Variants in TENM2 observed in about 807,000 individuals in gnomAD.
TENM2 encodes the protein teneurin transmembrane protein 2.
A neutral mutation model predicts 245.2 loss-of-function variants in TENM2; 52 were observed. That is an observed-to-expected ratio of 0.21 (90% CI 0.17 to 0.27). The LOEUF (loss-of-function observed/expected upper bound fraction) is 0.27. TENM2 is among the 10% of genes least tolerant of loss of function. The pLI is 1.00. For synonymous variants in TENM2, 1,363 were observed against 1,438.9 expected (o/e 0.95, Z 1.19); for missense variants, 3,046 against 3,666.8 (o/e 0.83, Z 4.37).
At chr5:168,165,637 TCCCCCCCCCAACCCCCCC>T (rs869055314) in intron 13 of TENM2, among the ~76,000 whole-genome samples, 1,734 of 22,624 alleles carry the variant, frequency 0.077, 311 homozygotes, top group African/African-American at 0.12. Context: ...CAATTCAGGA[TCCCCCCCCCAACCCCCCC>T]CCCCCCCCCG....
intron 2 of TENM2, among the ~76,000 whole-genome samples, chr5:167,538,117 G>C (rs1293166218): frequency 6.6e-6 from 1 of 152,222 alleles, no homozygotes; most frequent in Non-Finnish European, 1.5e-5. Flanking sequence ...GGACCTAACA[G>C]AGTGTGTGCC....
At chr5:167,750,113 C>A (rs536068742) in intron 2 of TENM2, among the ~76,000 whole-genome samples, 1 of 152,136 alleles carries the variant, frequency 6.6e-6, no homozygotes, top group Non-Finnish European at 1.5e-5. Flanking sequence ...TGGCCCACCT[C>A]GAGGATTCTA....
the TENM2 span, among the ~76,000 whole-genome samples, chr5:167,155,641 G>C: frequency 1.3e-5 from 2 of 152,194 alleles, no homozygotes; most frequent in Non-Finnish European, 2.9e-5. Flanking sequence ...AGTGTTCCGC[G>C]CTAGGAGCTA....
intron 2 of TENM2, among the ~76,000 whole-genome samples, chr5:167,778,704 G>T (rs1763978731): frequency 6.6e-6 from 1 of 152,078 alleles, no homozygotes; most frequent in Non-Finnish European, 1.5e-5. Context: ...ATTGTTAGCA[G>T]TATAGCACAA....
At chr5:167,584,042 T>TA (rs1775302043) in intron 2 of TENM2, among the ~76,000 whole-genome samples, 1 of 152,246 alleles carries the variant, frequency 6.6e-6, no homozygotes, top group African/African-American at 2.4e-5. Context: ...CACCTTATTG[T>TA]AACAGTGTCC....
At chr5:167,937,559 A>G (rs1267505997) in intron 3 of TENM2, among the ~76,000 whole-genome samples, 1 of 152,092 alleles carries the variant, frequency 6.6e-6, no homozygotes, top group African/African-American at 2.4e-5. Flanking sequence ...TTCTAGCGTG[A>G]TACTGTATTT....
chr5:167,239,643 G>A, the TENM2 span, among the ~76,000 whole-genome samples: 1 of 152,134 alleles, frequency 6.6e-6, no homozygotes, highest in Non-Finnish European at 1.5e-5. Flanking sequence ...AAGCAGATGT[G>A]TTTGCTTGTA....
At chr5:167,979,519 C>T (rs1782676018) in intron 4 of TENM2, among the ~76,000 whole-genome samples, 1 of 152,064 alleles carries the variant, frequency 6.6e-6, no homozygotes, top group Non-Finnish European at 1.5e-5. Flanking sequence ...GAAGTAATGC[C>T]TGAAGATATA....
At chr5:167,056,676 A>C in the TENM2 span, among the ~76,000 whole-genome samples, 1 of 128,572 alleles carries the variant, frequency 7.8e-6, no homozygotes, top group African/African-American at 3.2e-5. Context: ...TGCCATATAT[A>C]TATTACTTCC....
intron 9 of TENM2, among the ~76,000 whole-genome samples, chr5:168,102,933 T>A (rs3101756): frequency 6.6e-6 from 1 of 152,078 alleles, no homozygotes; most frequent in South Asian, 2.1e-4. Flanking sequence ...ACAACGTGCA[T>A]GTTTGTTACA....
chr5:168,156,920 G>T (rs747014261), intron 12 of TENM2, among the ~76,000 whole-genome samples: 2 of 152,192 alleles, frequency 1.3e-5, no homozygotes, highest in Non-Finnish European at 2.9e-5. Context: ...GCCTGGGGCA[G>T]CCGTTCGGTT....
chr5:167,838,680 T>C (rs151199817), intron 2 of TENM2, among the ~76,000 whole-genome samples: 59 of 152,358 alleles, frequency 3.9e-4, no homozygotes, highest in Middle Eastern at 3.4e-3. Context: ...CAGCCGATTC[T>C]TTGCCTACTT....
chr5:167,296,472 TAA>T (rs1754954712), intron 1 of TENM2: 2 of 152,008 alleles, frequency 1.3e-5, no homozygotes, highest in Admixed American at 1.3e-4. Flanking sequence ...TCCAGCGAGT[TAA>T]GTTAGTTTCA....
At chr5:167,411,573 A>AGTGTGTGT (rs60856762) in intron 2 of TENM2, among the ~76,000 whole-genome samples, 10,647 of 144,946 alleles carry the variant, frequency 0.073, 418 homozygotes, top group Non-Finnish European at 0.091. Context: ...TGTAGGTGAG[A>AGTGTGTGT]GTGTGTGTGT....
intron 5 of TENM2, among the ~76,000 whole-genome samples, chr5:168,019,240 C>G (rs1372672716): frequency 2.0e-5 from 3 of 152,108 alleles, no homozygotes; most frequent in African/African-American, 7.2e-5. Context: ...TGACAACAAG[C>G]CTTTCATGCC....
the TENM2 span, among the ~76,000 whole-genome samples, chr5:166,998,930 A>G: frequency 6.6e-6 from 1 of 152,008 alleles, no homozygotes; most frequent in East Asian, 1.9e-4. Context: ...GAGGTTGTGA[A>G]GAAAAAAGGA....
rs2150245891 is a variant in TENM2, at chr5:167,640,463, A to G, written c.503-235523A>G. Among the ~76,000 whole-genome samples, 2 of 152,144 alleles carry G rather than the reference A, an allele frequency of 1.3e-5. 1 individual carries two copies. The highest frequency in any genetic ancestry group is 6.8e-3 in the Middle Eastern group (2 of 292). ...CAAAACCCTGCCTCTAACTAAAAAT[A>G]CAAAATTAGCCAGGTGTGGTGGCAC... is the stretch of plus-strand genomic sequence containing the variant. On this transcript the variant is annotated intron_variant, in intron 2 of 28. Transcript: ENST00000518659.
chr5:167,107,966 A>G, the TENM2 span, among the ~76,000 whole-genome samples: 1 of 152,196 alleles, frequency 6.6e-6, no homozygotes, highest in Non-Finnish European at 1.5e-5. Flanking sequence ...GACTCGGCCC[A>G]CAGAGGGCAG....
Position 168,150,631 on chromosome 5 carries a change from C to T in TENM2, c.2423-11980C>T, listed in dbSNP as rs1439368395. 1.3e-5 allele frequency among the ~76,000 whole-genome samples: 2 copies of T among 152,226 alleles called. 1 individual carries two copies. Among genetic ancestry groups the T allele is most frequent in the East Asian group, 3.9e-4 (2 of 5,194 alleles). Reference sequence around the variant, plus strand: ...TTCACAGTGAGGAAATTCTACATCTCCTGCTCAGTGTATTCTCTCCCTAAA... The same window carrying T: ...TTCACAGTGAGGAAATTCTACATCTTCTGCTCAGTGTATTCTCTCCCTAAA... On this transcript the variant is annotated intron_variant, in intron 12 of 28. Transcript: ENST00000518659.
Sources: allele counts gnomAD v4.1 joint callset (sites outside exome capture counted in the v4.1 genomes callset), GRCh38; gene constraint gnomAD v4.1.1; transcripts MANE v1.5; gene names NCBI Gene and HGNC (gene_info 2026-07-23, HGNC 2026-07-21).